The following TMEM117 variants were observed in gnomAD, a reference collection of about 807,000 sequenced individuals.
TMEM117 encodes transmembrane protein 117.
A neutral mutation model predicts 52.4 loss-of-function variants in TMEM117; 27 were observed. The ratio of observed to expected loss-of-function variants is 0.51; its 90% CI spans 0.38 to 0.71. TMEM117 has a LOEUF of 0.71. Ranked by LOEUF, TMEM117 falls within the 30% of genes least tolerant of loss-of-function variation. The pLI, the probability that TMEM117 is intolerant of heterozygous loss-of-function variation, is 0.00. For synonymous variants in TMEM117, 215 were observed against 206.3 expected, an observed-to-expected ratio of 1.04 and a Z score of -0.36; for missense variants, 556 against 630.5, an observed-to-expected ratio of 0.88 and a Z score of 1.26.
chr12:44,323,536 G>A (rs1266761524), intron 6 of TMEM117, among the ~76,000 whole-genome samples: 1 of 151,990 alleles, frequency 6.6e-6, no homozygotes, highest in Non-Finnish European at 1.5e-5. Context: ...AGGTTTTAGG[G>A]TTTTTTCTTA....
chr12:44,294,182 G>T (rs1031867131), intron 5 of TMEM117, among the ~76,000 whole-genome samples: 2 of 151,884 alleles, frequency 1.3e-5, no homozygotes, highest in Non-Finnish European at 2.9e-5. Flanking sequence ...GTTTTATCAG[G>T]GTACCCTTCT....
intron 3 of TMEM117, among the ~76,000 whole-genome samples, chr12:43,986,642 A>G (rs1392565081): frequency 6.6e-6 from 1 of 152,124 alleles, no homozygotes. Flanking sequence ...CTATTGGAAA[A>G]TTCTCAACCA....
intron 4 of TMEM117, among the ~76,000 whole-genome samples, chr12:44,191,609 G>T (rs1332910813): frequency 1.3e-5 from 2 of 152,146 alleles, no homozygotes; most frequent in East Asian, 1.9e-4. Flanking sequence ...TAAATTTTTT[G>T]AGGGCAGAAA....
chr12:43,804,751 T>A, the TMEM117 span, among the ~76,000 whole-genome samples: 4 of 152,334 alleles, frequency 2.6e-5, no homozygotes, highest in African/African-American at 9.6e-5. Context: ...TTAAGAAATA[T>A]AAATATTAGC....
At chr12:43,871,035 T>G (rs1247804686) in intron 2 of TMEM117, among the ~76,000 whole-genome samples, 1 of 152,218 alleles carries the variant, frequency 6.6e-6, no homozygotes, top group East Asian at 1.9e-4. Flanking sequence ...TCCACCCGCC[T>G]TGGCCTGTCA....
intron 3 of TMEM117, among the ~76,000 whole-genome samples, chr12:43,988,050 T>C (rs904945604): frequency 6.6e-6 from 1 of 152,156 alleles, no homozygotes. Context: ...ATATTTCTTT[T>C]TGGTTGAAAT....
intron 3 of TMEM117, among the ~76,000 whole-genome samples, chr12:43,981,172 G>A (rs953404908): frequency 3.9e-5 from 6 of 152,050 alleles, no homozygotes; most frequent in African/African-American, 1.4e-4. Flanking sequence ...CCTACACCAT[G>A]TCTAGCACAT....
intron 3 of TMEM117, among the ~76,000 whole-genome samples, chr12:44,096,650 TG>T (rs1947769214): frequency 6.6e-6 from 1 of 151,932 alleles, no homozygotes; most frequent in Admixed American, 6.6e-5. Context: ...CTGGGAAAAC[TG>T]ACTAGCCATA....
intron 2 of TMEM117, among the ~76,000 whole-genome samples, chr12:43,874,690 A>G (rs1380741808): frequency 2.6e-5 from 4 of 152,188 alleles, no homozygotes; most frequent in African/African-American, 4.8e-5. Context: ...AGGTTCTAGG[A>G]TAGTTGATCC....
chr12:43,910,315 C>T (rs1944474438), intron 2 of TMEM117, among the ~76,000 whole-genome samples: 1 of 147,218 alleles, frequency 6.8e-6, no homozygotes, highest in Non-Finnish European at 1.5e-5. Flanking sequence ...TAAAAACTCT[C>T]AATAAATTAG....
At position 44,090,398 on chromosome 12, in the gene TMEM117, TTTTATTTATTTATTTA is replaced by T. The variant is rs199595783; in HGVS notation, c.411-53087_411-53072del. Among the ~76,000 whole-genome samples, 689 of 123,210 alleles carry T rather than the reference TTTTATTTATTTATTTA, an allele frequency of 5.6e-3. 6 individuals are homozygous for T. The highest frequency in any genetic ancestry group is 7.5e-3 in the East Asian group (34 of 4,524). The allele number at this position is 123,210 out of a possible 152,430, so 80.8% of individuals were successfully genotyped here. ...GGGCCCCTTTTATTTTTATCTTACT[TTTTATTTATTTATTTA>T]TTTATTTATTTATTTATTTATTTAT... On this transcript the variant is annotated intron_variant, in intron 3 of 7. Coordinates refer to ENST00000266534, the MANE Select transcript of TMEM117 (RefSeq NM_032256.3).
At chr12:44,147,053 C>G (rs772811307) in intron 4 of TMEM117, among the ~76,000 whole-genome samples, 16 of 152,096 alleles carry the variant, frequency 1.1e-4, no homozygotes, top group Non-Finnish European at 2.4e-4. Flanking sequence ...CTGTGGTACT[C>G]CCCATGCAGA....
At chr12:43,876,705 G>A (rs1943802820) in intron 2 of TMEM117, among the ~76,000 whole-genome samples, 1 of 152,098 alleles carries the variant, frequency 6.6e-6, no homozygotes, top group Admixed American at 6.5e-5. Context: ...TTTCATTAAG[G>A]TATTGCGTTT....
the TMEM117 span, among the ~76,000 whole-genome samples, chr12:43,798,857 A>G: frequency 7.9e-5 from 12 of 152,122 alleles, no homozygotes; most frequent in African/African-American, 4.8e-5. Context: ...CCAGTATGTT[A>G]GAATGGCTGT....
intron 5 of TMEM117, among the ~76,000 whole-genome samples, chr12:44,239,066 G>A (rs1253760993): frequency 1.3e-5 from 2 of 151,994 alleles, no homozygotes; most frequent in Admixed American, 6.6e-5. Context: ...CCCAGTGTAG[G>A]GTTTTAAATT....
At chr12:44,378,899 G>A (rs1179137051) in intron 7 of TMEM117, among the ~76,000 whole-genome samples, 2 of 152,152 alleles carry the variant, frequency 1.3e-5, no homozygotes, top group Non-Finnish European at 2.9e-5. Flanking sequence ...TGAGATCAGA[G>A]CATCTCCCTG....
intron 5 of TMEM117, among the ~76,000 whole-genome samples, chr12:44,228,546 T>TA (rs1227672760): frequency 6.6e-6 from 1 of 152,092 alleles, no homozygotes; most frequent in Non-Finnish European, 1.5e-5. Flanking sequence ...CATAATGGCA[T>TA]ATGTCATAAA....
chr12:44,278,603 G>A (rs12309639), intron 5 of TMEM117, among the ~76,000 whole-genome samples: 41,363 of 152,080 alleles, frequency 0.27, 10,286 homozygotes, highest in African/African-American at 0.66. Context: ...ATCCTGAAAA[G>A]CAATGATGTT....
At chr12:43,996,089 G>A (rs1422350341) in intron 3 of TMEM117, among the ~76,000 whole-genome samples, 10 of 152,108 alleles carry the variant, frequency 6.6e-5, no homozygotes, top group Non-Finnish European at 4.4e-5. Flanking sequence ...ATCTTTTACT[G>A]TTTCATGCTG....
Sources: gnomAD v4.1 joint callset for allele counts (sites outside exome capture counted in the v4.1 genomes callset) on GRCh38, gnomAD v4.1.1 for gene constraint, MANE v1.5 for transcripts, NCBI Gene and HGNC (gene_info 2026-07-23, HGNC 2026-07-21) for gene names.